Variants in PLCL2 observed in about 807,000 individuals in gnomAD.
PLCL2 encodes phospholipase C like 2, also known as inactive phospholipase C-like protein 2.
Under a neutral mutation model 79.6 loss-of-function variants are expected in PLCL2, and 4 were observed. The ratio of observed to expected loss-of-function variants is 0.05; its 90% CI spans 0.02 to 0.11. The LOEUF (loss-of-function observed/expected upper bound fraction) is 0.11, where lower values mean the gene tolerates loss of function less well. Among genes scored for constraint, PLCL2 ranks in the 10% least tolerant of loss-of-function variants. The pLI, the probability that PLCL2 is intolerant of heterozygous loss-of-function variation, is 1.00. For missense variants in PLCL2, 895 were observed against 1,291.0 expected (o/e 0.69, Z 4.70); for synonymous variants, 484 against 457.7 (o/e 1.06, Z -0.73).
Position 17,011,912 on chromosome 3 carries a change from T to C in PLCL2, c.2566T>C (p.Tyr856His). Residue 856 changes from tyrosine (Y) to histidine (H), a missense_variant, in exon 2 of 6, where the codon TAC becomes CAC. Coordinates refer to ENST00000615277, the MANE Select transcript of PLCL2 (RefSeq NM_001144382.2). The surrounding 1 kb of genome is among the most constrained non-coding windows in gnomAD (Gnocchi z 7.9). ...TIPFECLQTGYRHVPLQSLTG... is the reference protein window; with the variant it reads ...TIPFECLQTGHRHVPLQSLTG... ...TCCCTTTGAATGTTTACAGACGGGC[T>C]ACCGCCATGTCCCCCTGCAGTCCTT... The C allele has an allele frequency of 6.2e-7, 1 of 1,614,254 alleles. No individual in the cohort carries two copies. The highest frequency in any genetic ancestry group is 8.5e-7 in the Non-Finnish European group (1 of 1,180,036).
intron 1 of PLCL2, among the ~76,000 whole-genome samples, chr3:16,964,083 T>TA (rs373083133): frequency 0.021 from 3,182 of 152,288 alleles, 55 homozygotes; most frequent in South Asian, 0.043. Context: ...GCAGGTTTGT[T>TA]ACATATGTAT....
chr3:16,981,500 TA>T (rs1219038513), intron 1 of PLCL2, among the ~76,000 whole-genome samples: 1 of 152,228 alleles, frequency 6.6e-6, no homozygotes, highest in Non-Finnish European at 1.5e-5. Flanking sequence ...TTTAAAATAG[TA>T]ATCAAGTTTT....
intron 1 of PLCL2, among the ~76,000 whole-genome samples, chr3:16,970,276 T>C (rs1575561322): frequency 6.6e-6 from 1 of 151,818 alleles, no homozygotes; most frequent in Non-Finnish European, 1.5e-5. Context: ...GTGTTCTCAT[T>C]GTTCAATTCC....
intron 1 of PLCL2, among the ~76,000 whole-genome samples, chr3:16,926,279 A>C (rs945101469): frequency 7.2e-5 from 11 of 152,200 alleles, no homozygotes; most frequent in Admixed American, 2.0e-4. Context: ...CCAGAATCAG[A>C]CAGATGCAAG....
chr3:16,981,898 G>GTGA (rs2064002372), intron 1 of PLCL2, among the ~76,000 whole-genome samples: 1 of 152,186 alleles, frequency 6.6e-6, no homozygotes, highest in African/African-American at 2.4e-5. Flanking sequence ...CAGGAGTATG[G>GTGA]TGATATCTTA....
chr3:16,887,479 CCT>C lies in PLCL2; in HGVS notation c.327+2116_327+2117del, dbSNP rs1345838642. ...AGGCTTGACATACTCCTTTTTCTTG[CCT>C]CTGTTTTCACTTTGCATTTTCTTAA... On this transcript the variant is annotated intron_variant, in intron 1 of 5. Transcript: ENST00000615277. The surrounding 1 kb of genome is among the most constrained non-coding windows in gnomAD (Gnocchi z 4.1). 6.6e-6 allele frequency among the ~76,000 whole-genome samples: 1 copy of C among 152,082 alleles called. No homozygotes were observed. Among genetic ancestry groups the C allele is most frequent in the East Asian group, 1.9e-4 (1 of 5,196 alleles).
intron 1 of PLCL2, among the ~76,000 whole-genome samples, chr3:16,937,605 A>G (rs1697571749): frequency 6.6e-6 from 1 of 152,214 alleles, no homozygotes; most frequent in Non-Finnish European, 1.5e-5. Context: ...TGGATGGTTG[A>G]CCAATTCAGA....
intron 1 of PLCL2, among the ~76,000 whole-genome samples, chr3:16,923,209 G>A (rs1228080974): frequency 1.3e-5 from 2 of 152,204 alleles, no homozygotes; most frequent in Non-Finnish European, 2.9e-5. Flanking sequence ...GGAGGGATAA[G>A]GGAGAGCTCA....
At chr3:16,909,213 C>T (rs1406704228) in intron 1 of PLCL2, among the ~76,000 whole-genome samples, 1 of 152,150 alleles carries the variant, frequency 6.6e-6, no homozygotes, top group African/African-American at 2.4e-5. Flanking sequence ...TTTTGAGTTT[C>T]AGTTCTTGGT....
chr3:16,986,372 C>G (rs1370499932), intron 1 of PLCL2, among the ~76,000 whole-genome samples: 1 of 151,938 alleles, frequency 6.6e-6, no homozygotes, highest in East Asian at 1.9e-4. Context: ...TGAACCACCC[C>G]AGAGATGAAA....
rs1406244972 is a variant in PLCL2, at chr3:17,067,898, GTTCATTACCACAGA to G, written c.3095-55_3095-42del. ...GTACCTAGAAAAAGAAATATTTCCA[GTTCATTACCACAGA>G]TTGGATGGGAGTTAATATACTTTGT... On this transcript the variant is annotated intron_variant, in intron 4 of 5. Coordinates refer to ENST00000615277, the MANE Select transcript of PLCL2 (RefSeq NM_001144382.2). 1.9e-5 allele frequency: 18 copies of G among 924,600 alleles called. No individual in the cohort carries two copies. In the African/African-American group the frequency reaches 2.5e-4, roughly 13 times the overall value. The allele number at this position is 924,600 out of a possible 1,614,324, so 57.3% of individuals were successfully genotyped here. A position where few individuals can be genotyped will look rare whatever the true frequency, so the allele number is the denominator to read the frequency against.
intron 1 of PLCL2, among the ~76,000 whole-genome samples, chr3:16,906,350 C>T (rs1286574114): frequency 6.6e-6 from 1 of 152,042 alleles, no homozygotes; most frequent in Non-Finnish European, 1.5e-5. Context: ...TCTTTTTACT[C>T]TCAATCTATT....
intron 1 of PLCL2, among the ~76,000 whole-genome samples, chr3:16,918,639 T>C (rs546667996): frequency 1.3e-5 from 2 of 152,278 alleles, no homozygotes; most frequent in South Asian, 2.1e-4. Flanking sequence ...GAAAGAATTA[T>C]GTTCCACAGG....
chr3:17,000,928 GAT>G (rs1267471130), intron 1 of PLCL2, among the ~76,000 whole-genome samples: 1 of 152,016 alleles, frequency 6.6e-6, no homozygotes, highest in Admixed American at 6.6e-5. Flanking sequence ...CTTTCTTTTG[GAT>G]ATATATCCAG....
intron 4 of PLCL2, among the ~76,000 whole-genome samples, chr3:17,051,354 A>G (rs1489739174): frequency 6.6e-6 from 1 of 152,166 alleles, no homozygotes; most frequent in Non-Finnish European, 1.5e-5. Flanking sequence ...AAGTGGATAG[A>G]TATTCCATTT....
chr3:17,055,732 G>C (rs2124932596), intron 4 of PLCL2, among the ~76,000 whole-genome samples: 1 of 152,290 alleles, frequency 6.6e-6, no homozygotes, highest in African/African-American at 2.4e-5. Context: ...AGCACATTCA[G>C]GTTTTGAGAA....
intron 4 of PLCL2, among the ~76,000 whole-genome samples, chr3:17,056,601 T>C (rs921702112): frequency 1.3e-5 from 2 of 152,172 alleles, no homozygotes; most frequent in African/African-American, 4.8e-5. Context: ...TTAGTATAGG[T>C]CACTGTATTC....
intron 1 of PLCL2, among the ~76,000 whole-genome samples, chr3:16,904,772 C>T (rs1259479745): frequency 2.0e-5 from 3 of 150,478 alleles, no homozygotes; most frequent in African/African-American, 7.5e-5. Flanking sequence ...CCATGCTGTT[C>T]TCATGATAGT....
chr3:17,052,255 T>TAAAAAAGGGG (rs1553648887), intron 4 of PLCL2, among the ~76,000 whole-genome samples: 1 of 126,418 alleles, frequency 7.9e-6, no homozygotes, highest in Non-Finnish European at 1.6e-5. Context: ...AAAAAAAAAT[T>TAAAAAAGGGG]GGGGGGGGGT....
Sources: allele counts gnomAD v4.1 joint callset (sites outside exome capture counted in the v4.1 genomes callset), GRCh38; gene constraint gnomAD v4.1.1; non-coding constraint Gnocchi (gnomAD v3.1); transcripts MANE v1.5; gene names NCBI Gene and HGNC (gene_info 2026-07-23, HGNC 2026-07-21).